The following NOX4 variants were observed in gnomAD, a reference collection of about 807,000 sequenced individuals.
NOX4 encodes the protein kidney oxidase-1.
In NOX4, 69 loss-of-function variants were observed where a neutral mutation model predicts 87.6. That is an observed-to-expected ratio of 0.79 (90% CI 0.65 to 0.96). The LOEUF is 0.96. Among genes scored for constraint, NOX4 ranks in the 40% least tolerant of loss-of-function variants. The pLI, the probability that NOX4 is intolerant of heterozygous loss-of-function variation, is 0.00. For missense variants in NOX4, 680 were observed against 681.5 expected, an observed-to-expected ratio of 1.00 and a Z score of 0.02; for synonymous variants, 275 against 238.2, an observed-to-expected ratio of 1.15 and a Z score of -1.42.
At chr11:89,385,004 G>A (rs1940589362) in intron 11 of NOX4, among the ~76,000 whole-genome samples, 1 of 152,120 alleles carries the variant, frequency 6.6e-6, no homozygotes, top group East Asian at 1.9e-4. Context: ...ATTAGCAAAG[G>A]CAGGCTATGC....
the NOX4 span, among the ~76,000 whole-genome samples, chr11:89,525,869 T>C: frequency 8.5e-5 from 13 of 152,264 alleles, no homozygotes; most frequent in South Asian, 2.7e-3. Context: ...CTATAATCTA[T>C]TCCAATTTAA....
intron 2 of NOX4, among the ~76,000 whole-genome samples, chr11:89,479,544 C>T (rs1946306192): frequency 1.3e-5 from 2 of 152,150 alleles, no homozygotes; most frequent in Admixed American, 1.3e-4. Flanking sequence ...CTCATCTCTT[C>T]TTCCCTTAAA....
At chr11:89,575,592 T>C in the NOX4 span, among the ~76,000 whole-genome samples, 1 of 152,208 alleles carries the variant, frequency 6.6e-6, no homozygotes, top group Admixed American at 6.5e-5. Context: ...AGCCACTTTA[T>C]AATATAACCT....
intron 11 of NOX4, among the ~76,000 whole-genome samples, chr11:89,396,785 T>C (rs1294775611): frequency 2.0e-5 from 3 of 152,132 alleles, no homozygotes; most frequent in African/African-American, 4.8e-5. Context: ...TAAATATACA[T>C]GCATCCAATA....
At chr11:89,543,765 A>G in the NOX4 span, among the ~76,000 whole-genome samples, 1 of 152,162 alleles carries the variant, frequency 6.6e-6, no homozygotes, top group East Asian at 1.9e-4. Context: ...TAACTCCTCA[A>G]TTGTCATTGT....
intron 4 of NOX4, among the ~76,000 whole-genome samples, chr11:89,445,128 AG>A (rs1298686941): frequency 6.6e-6 from 1 of 152,276 alleles, no homozygotes; most frequent in South Asian, 2.1e-4. Flanking sequence ...TTTGCCTTTC[AG>A]GGGCCTTAAT....
the NOX4 span, among the ~76,000 whole-genome samples, chr11:89,516,211 T>C: frequency 6.6e-6 from 1 of 152,120 alleles, no homozygotes; most frequent in African/African-American, 2.4e-5. Flanking sequence ...CTATCACATG[T>C]ATTGCATCTA....
At chr11:89,386,242 A>G (rs317171) in intron 11 of NOX4, among the ~76,000 whole-genome samples, 86,128 of 151,878 alleles carry the variant, frequency 0.57, 26,279 homozygotes, top group African/African-American at 0.79. Flanking sequence ...AACTTGAACC[A>G]CACCCCAAAA....
At chr11:89,490,854 C>T (rs767655486) in intron 1 of NOX4, 5 of 700,750 alleles carry the variant, frequency 7.1e-6, no homozygotes, top group Non-Finnish European at 1.3e-5. Context: ...TCACCATACC[C>T]CAAGCAAACA....
the NOX4 span, among the ~76,000 whole-genome samples, chr11:89,511,960 T>C: frequency 6.6e-6 from 1 of 152,100 alleles, no homozygotes; most frequent in Non-Finnish European, 1.5e-5. Context: ...TCTTCTCTGT[T>C]TGCAGATTAC....
At chr11:89,409,612 A>G (rs1399739044) in intron 8 of NOX4, among the ~76,000 whole-genome samples, 1 of 152,206 alleles carries the variant, frequency 6.6e-6, no homozygotes, top group African/African-American at 2.4e-5. Flanking sequence ...TGAATAAACC[A>G]TAAGATCTTA....
the NOX4 span, among the ~76,000 whole-genome samples, chr11:89,587,972 G>C: frequency 1.3e-5 from 2 of 151,920 alleles, no homozygotes; most frequent in African/African-American, 4.8e-5. Context: ...AGATTTCTGG[G>C]GGAAAAAATC....
chr11:89,338,220 G>A (rs1945810110), intron 15 of NOX4, among the ~76,000 whole-genome samples: 1 of 151,996 alleles, frequency 6.6e-6, no homozygotes, highest in South Asian at 2.1e-4. Flanking sequence ...ACTACTCTAG[G>A]GACCTCCTAT....
At chr11:89,467,298 G>A (rs762455130) in intron 2 of NOX4, among the ~76,000 whole-genome samples, 17 of 137,834 alleles carry the variant, frequency 1.2e-4, no homozygotes, top group Non-Finnish European at 1.8e-4. Context: ...TTGCAGTGAG[G>A]CCAGATCGCA....
intron 8 of NOX4, among the ~76,000 whole-genome samples, chr11:89,404,600 T>C (rs774646249): frequency 3.3e-5 from 5 of 152,162 alleles, no homozygotes; most frequent in Middle Eastern, 3.2e-3. Flanking sequence ...AGGATCATTA[T>C]TCCCATTTTA....
chr11:89,376,965 G>C (rs1345189314), intron 11 of NOX4, among the ~76,000 whole-genome samples: 1 of 152,192 alleles, frequency 6.6e-6, no homozygotes, highest in Non-Finnish European at 1.5e-5. Flanking sequence ...AGCTGAGGCA[G>C]GAGAATCACT....
At chr11:89,382,062 C>A (rs1039753968) in intron 11 of NOX4, among the ~76,000 whole-genome samples, 2 of 152,118 alleles carry the variant, frequency 1.3e-5, no homozygotes, top group African/African-American at 2.4e-5. Context: ...TGATTATTCA[C>A]CCACGTTTCA....
Position 89,440,687 on chromosome 11 carries a change from C to G in NOX4, c.475+1G>C, listed in dbSNP as rs1332998351. The G allele has an allele frequency of 3.2e-6, 5 of 1,545,408 alleles. No homozygotes were observed. Among genetic ancestry groups the G allele is most frequent in the Non-Finnish European group, 4.4e-6 (5 of 1,134,686 alleles). On this transcript the variant is annotated splice_donor_variant, in intron 6 of 17. Transcript: ENST00000263317. LOFTEE classifies it high-confidence loss of function. Reference sequence around the variant, plus strand: ...AGAAAAGGCTAAGAATAACAACTTACCAGTTGTGAAGAGAAGTTTTCTAGG... The same window carrying G: ...AGAAAAGGCTAAGAATAACAACTTAGCAGTTGTGAAGAGAAGTTTTCTAGG...
At chr11:89,420,339 T>C (rs1482645052) in intron 8 of NOX4, among the ~76,000 whole-genome samples, 1 of 152,178 alleles carries the variant, frequency 6.6e-6, no homozygotes, top group Non-Finnish European at 1.5e-5. Flanking sequence ...TTATTATCAT[T>C]AGTTGTATCT....
Sources: gnomAD v4.1 joint callset for allele counts (sites outside exome capture counted in the v4.1 genomes callset) on GRCh38, gnomAD v4.1.1 for gene constraint, MANE v1.5 for transcripts, NCBI Gene and HGNC (gene_info 2026-07-23, HGNC 2026-07-21) for gene names.